ASAH1: variants seen among roughly 807,000 people sequenced by gnomAD.
The protein encoded by ASAH1 is N-acylsphingosine amidohydrolase 1.
A neutral mutation model predicts 59.5 loss-of-function variants in ASAH1; 70 were observed. The ratio of observed to expected loss-of-function variants is 1.18; its 90% CI spans 0.97 to 1.43. The LOEUF (loss-of-function observed/expected upper bound fraction) is 1.43. Ranked by LOEUF, ASAH1 falls within the 40% of genes most tolerant of loss-of-function variation. The probability of loss-of-function intolerance (pLI) is 0.00; values close to 1 mark genes in which losing one functional copy is unlikely to be tolerated. For missense variants in ASAH1, 660 were observed against 482.5 expected (o/e 1.37, Z -3.45); for synonymous variants, 213 against 166.5 (o/e 1.28, Z -2.15).
intron 1 of ASAH1, chr8:18,076,011 C>T: frequency 3.8e-6 from 1 of 266,612 alleles, no homozygotes; most frequent in East Asian, 1.0e-4. Flanking sequence ...TCAGGGCACA[C>T]AGCACAGGGC....
rs1433382586 is a variant in ASAH1 at position 18,057,576 on chromosome 8, T to G, written c.1146A>C (p.Glu382Asp). 1.9e-6 allele frequency: 3 copies of G among 1,605,254 alleles called. No individual in the cohort carries two copies. The highest frequency in any genetic ancestry group is 2.6e-6 in the Non-Finnish European group (3 of 1,174,188). Residue 382 changes from glutamate (E) to aspartate (D), a missense_variant, in exon 14 of 14, where the codon GAA (glutamate) becomes GAC (aspartate). Transcript: ENST00000637790. ...GGTCAGGGCAGTCCCGCAGGTAAGT[T>G]TCGAATTGACCTTTGGTAACATCTA... ...TLIDVTKGQFETYLRDCPDPC... is the reference protein window; with the variant it reads ...TLIDVTKGQFDTYLRDCPDPC...
At chr8:18,081,745 A>C (rs1031871295) in intron 1 of ASAH1, among the ~76,000 whole-genome samples, 1 of 152,256 alleles carries the variant, frequency 6.6e-6, no homozygotes, top group African/African-American at 2.4e-5. Context: ...ATATTTATTG[A>C]AAGTACTTTT....
intron 3 of ASAH1, among the ~76,000 whole-genome samples, chr8:18,070,513 A>ACC (rs1800121006): frequency 6.6e-6 from 1 of 151,370 alleles, no homozygotes; most frequent in Admixed American, 6.6e-5. Context: ...TGAACTTCTG[A>ACC]TCTCAGGTGA....
chr8:18,080,586 T>C (rs571365305), intron 1 of ASAH1, among the ~76,000 whole-genome samples: 25 of 152,300 alleles, frequency 1.6e-4, no homozygotes, highest in Non-Finnish European at 3.4e-4. Flanking sequence ...TGTGACGAAG[T>C]TTCGCTCATT....
intron 6 of ASAH1, chr8:18,064,161 A>G (rs537367752): frequency 3.8e-6 from 2 of 527,988 alleles, no homozygotes; most frequent in Non-Finnish European, 6.6e-6. Context: ...CACTTCCATC[A>G]AAGCATGTAG....
intron 1 of ASAH1, among the ~76,000 whole-genome samples, chr8:18,076,924 T>C (rs1005950376): frequency 2.0e-5 from 3 of 152,266 alleles, no homozygotes; most frequent in African/African-American, 7.2e-5. Flanking sequence ...TTCTCACATA[T>C]GTCTGGCTTT....
intron 4 of ASAH1, chr8:18,068,491 T>C (rs906711798): frequency 2.0e-5 from 3 of 152,060 alleles, no homozygotes; most frequent in Non-Finnish European, 4.4e-5. Context: ...TGAGGGATAA[T>C]GGGTTTGGTG....
upstream of ASAH1, chr8:18,084,470 C>T: frequency 7.6e-7 from 1 of 1,321,808 alleles, no homozygotes; most frequent in Non-Finnish European, 1.0e-6. Flanking sequence ...ACCCAGGCGT[C>T]CTCGGTACCC....
At chr8:18,064,665 G>A (rs1488718303) in intron 5 of ASAH1, 134 bp from the exon 6 acceptor site, 12 of 635,470 alleles carry the variant, frequency 1.9e-5, no homozygotes, top group African/African-American at 1.5e-4. Flanking sequence ...TGGAACGGCC[G>A]GCTGGAGGTG....
In ASAH1 at chr8:18,059,677, G is replaced by A; in HGVS notation, c.812C>T (p.Thr271Ile). The change falls in exon 11 of 14, where the codon ACC (threonine) becomes ATC (isoleucine). Residue 271 changes from threonine to isoleucine, a missense_variant. Transcript: ENST00000637790. The stretch of plus-strand genomic sequence containing the variant: ...GGCTGGGGCCAATATCTTGGTCTTG[G>A]TCAATAAATTCTTGGCTTCTTCATA... ...TSYEEAKNLL[T>I]KTKILAPAYF... is the part of the protein sequence containing the mutation. The A allele has an allele frequency of 1.2e-6, 2 of 1,614,158 alleles. No homozygotes were observed. Among genetic ancestry groups the A allele is most frequent in the Non-Finnish European group, 1.7e-6 (2 of 1,180,022 alleles).
At chr8:18,060,665 A>G (rs1799655179) in intron 10 of ASAH1, 2 of 152,336 alleles carry the variant, frequency 1.3e-5, no homozygotes, top group South Asian at 4.1e-4. Context: ...GGCTGAATGA[A>G]GGAAAGGCAG....
intron 5 of ASAH1, 76 bp from the exon 6 acceptor site, chr8:18,064,607 T>A: frequency 1.2e-6 from 1 of 865,680 alleles, no homozygotes; most frequent in Non-Finnish European, 1.8e-6. Flanking sequence ...AGAAAAAGTT[T>A]CAGTGTTTTC....
chr8:18,073,049 G>C (rs1458061364), intron 2 of ASAH1, among the ~76,000 whole-genome samples: 1 of 152,122 alleles, frequency 6.6e-6, no homozygotes, highest in Non-Finnish European at 1.5e-5. Context: ...ATGAAGTGGG[G>C]ATGATGAGAC....
chr8:18,062,868 CTTTTTTT>C (rs10562212), intron 7 of ASAH1: 102 of 181,620 alleles, frequency 5.6e-4, no homozygotes, highest in South Asian at 1.6e-3. Flanking sequence ...GTTCTGTGTT[CTTTTTTT>C]TTTTTTTTTT....
chr8:18,084,760 G>T, upstream of ASAH1: 1 of 1,613,636 alleles, frequency 6.2e-7, no homozygotes, highest in Non-Finnish European at 8.5e-7. Flanking sequence ...AGGCCCGGTG[G>T]GACCCGCGAG....
intron 4 of ASAH1, chr8:18,069,512 C>T (rs1051988052): frequency 7.0e-5 from 25 of 355,420 alleles, no homozygotes; most frequent in Non-Finnish European, 1.2e-4. Context: ...GAACTCACTA[C>T]ATAAAGGGAA....
chr8:18,070,188 C>T (rs1375308223), intron 3 of ASAH1, among the ~76,000 whole-genome samples: 11 of 151,646 alleles, frequency 7.3e-5, no homozygotes, highest in East Asian at 5.9e-4. Context: ...TTGCTCTTGT[C>T]GCCCAGGCCG....
intron 4 of ASAH1, among the ~76,000 whole-genome samples, chr8:18,068,822 C>A (rs199707819): frequency 6.6e-6 from 1 of 152,102 alleles, no homozygotes; most frequent in East Asian, 1.9e-4. Flanking sequence ...GACAAGCCCA[C>A]GACAAAGAAA....
At chr8:18,059,785 T>C in intron 10 of ASAH1, 82 bp from the exon 11 acceptor site, 10 of 1,393,176 alleles carry the variant, frequency 7.2e-6, no homozygotes, top group Non-Finnish European at 8.8e-6. Flanking sequence ...AATTTTACTT[T>C]AAGTTCTGGG....
Sources: allele counts gnomAD v4.1 joint callset (sites outside exome capture counted in the v4.1 genomes callset), GRCh38; gene constraint gnomAD v4.1.1; transcripts MANE v1.5; gene names NCBI Gene and HGNC (gene_info 2026-07-23, HGNC 2026-07-21).